The following FAF1 variants were observed in gnomAD, a reference collection of about 807,000 sequenced individuals.
FAF1 encodes the protein FAS-associated factor 1.
In FAF1, 25 loss-of-function variants were observed where a neutral mutation model predicts 92.5. The ratio of observed to expected loss-of-function variants is 0.27; its 90% confidence interval spans 0.20 to 0.38. The LOEUF (loss-of-function observed/expected upper bound fraction) is 0.38. FAF1 is among the 10% of genes least tolerant of loss of function. The probability of loss-of-function intolerance (pLI) is 1.00; values close to 1 mark genes in which losing one functional copy is unlikely to be tolerated. For missense variants in FAF1, 636 were observed against 793.3 expected (o/e 0.80, Z 2.38); for synonymous variants, 234 against 273.2 (o/e 0.86, Z 1.42).
chr1:50,849,568 C>T (rs1383145543), intron 2 of FAF1, among the ~76,000 whole-genome samples: 1 of 152,076 alleles, frequency 6.6e-6, no homozygotes, highest in Non-Finnish European at 1.5e-5. Flanking sequence ...ACTTGCCACA[C>T]TCCTAAAATA....
chr1:50,705,862 A>C lies in FAF1; in HGVS notation c.581T>G (p.Phe194Cys). Residue 194 changes from phenylalanine (F) to cysteine (C), a missense_variant, in exon 7 of 19, where the codon TTC (phenylalanine) becomes TGC (cysteine). Phe to Cys is a radical substitution (Grantham distance 205). Transcript: ENST00000396153. ...TTCTCGGTGGGTGATGATCAGCATG[A>C]AGTTTTGATTTAATGACTCCTGCAG... ...GALQESLNQN[F>C]MLIITHREVQ... 1 of 1,612,806 alleles carries C rather than the reference A, an allele frequency of 6.2e-7. No individual in the cohort carries two copies. The highest frequency in any genetic ancestry group is 8.5e-7 in the Non-Finnish European group (1 of 1,179,012).
At chr1:50,730,135 T>C (rs1658856966) in intron 6 of FAF1, among the ~76,000 whole-genome samples, 1 of 152,214 alleles carries the variant, frequency 6.6e-6, no homozygotes, top group South Asian at 2.1e-4. Flanking sequence ...ATTCAGTTTA[T>C]TTAATAATTA....
chr1:50,452,257 A>G (rs979688748), intron 18 of FAF1: 1 of 823,334 alleles, frequency 1.2e-6, no homozygotes, highest in African/African-American at 1.8e-5. Flanking sequence ...TTGCAAGCTC[A>G]TTGCCCCTGA....
rs999538430 is a variant in FAF1, at chr1:50,485,667, C to CAAAAAAAA, written c.1653+4913_1653+4920dup. Among the ~76,000 whole-genome samples, 29 of 13,710 alleles carry CAAAAAAAA rather than the reference C, an allele frequency of 2.1e-3. 1 individual carries two copies. The highest frequency in any genetic ancestry group is 6.6e-3 in the African/African-American group (28 of 4,250). 9.0% of individuals were successfully genotyped at this position (13,710 alleles called of 152,430 possible). A position where few individuals can be genotyped will look rare whatever the true frequency, so the allele number is the denominator to read the frequency against. ...CCTGGGCAACAGAGCGAGACTGTCT[C>CAAAAAAAA]AAAAAAAAAAAAAAAAAAAAAAAAA... is the stretch of plus-strand genomic sequence containing the variant. On this transcript the variant is annotated intron_variant, in intron 17 of 18. Coordinates refer to ENST00000396153, the MANE Select transcript of FAF1 (RefSeq NM_007051.3).
At chr1:50,784,906 G>C (rs762130942) in intron 4 of FAF1, among the ~76,000 whole-genome samples, 1 of 152,058 alleles carries the variant, frequency 6.6e-6, no homozygotes, top group South Asian at 2.1e-4. Flanking sequence ...TTTGACTAGA[G>C]TGCCAAGACC....
At chr1:50,632,478 T>C (rs192758574) in intron 8 of FAF1, among the ~76,000 whole-genome samples, 19 of 152,322 alleles carry the variant, frequency 1.2e-4, no homozygotes, top group African/African-American at 2.6e-4. Context: ...CTATTAGAAA[T>C]TGGGAACACA....
At chr1:50,501,643 A>C (rs1557971620) in intron 15 of FAF1, among the ~76,000 whole-genome samples, 2 of 150,626 alleles carry the variant, frequency 1.3e-5, no homozygotes, top group Non-Finnish European at 3.0e-5. Flanking sequence ...CCTGGGTGAC[A>C]GAGCAAGACT....
At chr1:50,830,432 C>T (rs1168159158) in intron 2 of FAF1, among the ~76,000 whole-genome samples, 1 of 152,202 alleles carries the variant, frequency 6.6e-6, no homozygotes, top group Non-Finnish European at 1.5e-5. Flanking sequence ...ATTTAAGATA[C>T]AGAGACATTG....
intron 1 of FAF1, among the ~76,000 whole-genome samples, chr1:50,870,916 T>G (rs1206336844): frequency 2.0e-5 from 3 of 152,222 alleles, no homozygotes; most frequent in Non-Finnish European, 4.4e-5. Context: ...AAAGTTGAGA[T>G]AAGCTTAAAG....
intron 1 of FAF1, among the ~76,000 whole-genome samples, chr1:50,944,620 T>A (rs892295618): frequency 2.6e-5 from 4 of 152,330 alleles, no homozygotes; most frequent in South Asian, 2.1e-4. Context: ...TGGTCCCCAC[T>A]GTCTACCATA....
At position 50,583,449 on chromosome 1, in the gene FAF1, A is replaced by G. The variant is rs544922698; in HGVS notation, c.1031+203T>C. 6.6e-6 allele frequency among the ~76,000 whole-genome samples: 1 copy of G among 152,138 alleles called. No homozygotes were observed. The highest frequency in any genetic ancestry group is 2.4e-5 in the African/African-American group (1 of 41,576). Reference sequence around the variant, plus strand: ...ATTGAACGTCCATAAACATACAGAAATAAGTTGAATCTATCTCTAAAGTGG... The same window carrying G: ...ATTGAACGTCCATAAACATACAGAAGTAAGTTGAATCTATCTCTAAAGTGG... On this transcript the variant is annotated intron_variant, in intron 11 of 18. Coordinates refer to ENST00000396153, the MANE Select transcript of FAF1 (RefSeq NM_007051.3). This position sits in a 1 kb window ranked among gnomAD's most constrained non-coding sequence, Gnocchi z 4.2.
intron 15 of FAF1, among the ~76,000 whole-genome samples, chr1:50,501,477 T>C (rs1260311073): frequency 6.6e-6 from 1 of 152,068 alleles, no homozygotes; most frequent in East Asian, 1.9e-4. Flanking sequence ...CTGGCTAATA[T>C]GGTGAAACCC....
chr1:50,918,180 T>C (rs1427869932), intron 1 of FAF1, among the ~76,000 whole-genome samples: 1 of 151,700 alleles, frequency 6.6e-6, no homozygotes, highest in African/African-American at 2.4e-5. Flanking sequence ...ATTTCTTTTT[T>C]TTTTTTTTTA....
intron 13 of FAF1, among the ~76,000 whole-genome samples, chr1:50,549,676 G>C (rs1649207293): frequency 6.6e-6 from 1 of 152,136 alleles, no homozygotes; most frequent in Admixed American, 6.5e-5. Flanking sequence ...TCGGGAGGCT[G>C]AGACAGGAGA....
chr1:50,721,274 C>T (rs1220983932), intron 6 of FAF1, among the ~76,000 whole-genome samples: 1 of 151,852 alleles, frequency 6.6e-6, no homozygotes, highest in Non-Finnish European at 1.5e-5. Context: ...CTCTTATCAC[C>T]AGCGATCTCT....
At chr1:50,456,902 T>G (rs1173331069) in intron 18 of FAF1, among the ~76,000 whole-genome samples, 1 of 152,210 alleles carries the variant, frequency 6.6e-6, no homozygotes, top group East Asian at 1.9e-4. Flanking sequence ...TGTCTCAAAC[T>G]TCGTGTGTAC....
chr1:50,804,821 T>C (rs183891530), intron 2 of FAF1, among the ~76,000 whole-genome samples: 265 of 152,228 alleles, frequency 1.7e-3, no homozygotes, highest in African/African-American at 5.6e-3. Context: ...AATTGAAAGT[T>C]TGGTTAAATA....
At chr1:50,671,001 G>A (rs1191420365) in intron 7 of FAF1, among the ~76,000 whole-genome samples, 1 of 151,988 alleles carries the variant, frequency 6.6e-6, no homozygotes, top group Non-Finnish European at 1.5e-5. Context: ...AAAATTGAAG[G>A]GAGATAGAAT....
chr1:50,877,357 G>C (rs1014422379), intron 1 of FAF1, among the ~76,000 whole-genome samples: 37 of 152,100 alleles, frequency 2.4e-4, no homozygotes, highest in African/African-American at 8.5e-4. Flanking sequence ...CAAAATACTT[G>C]AACAGTATTC....
Sources: gnomAD v4.1 joint callset for allele counts (sites outside exome capture counted in the v4.1 genomes callset) on GRCh38, gnomAD v4.1.1 for gene constraint, Gnocchi (gnomAD v3.1) non-coding constraint, MANE v1.5 for transcripts, NCBI Gene and HGNC (gene_info 2026-07-23, HGNC 2026-07-21) for gene names.